The following EYS variants were observed in gnomAD, a reference collection of about 807,000 sequenced individuals.
EYS encodes protein eyes shut homolog.
In EYS, 250 loss-of-function variants were observed where a neutral mutation model predicts 282.1. The ratio of observed to expected loss-of-function variants is 0.89; its 90% CI spans 0.80 to 0.98. The LOEUF is 0.98. Ranked by LOEUF, EYS falls within the 50% of genes least tolerant of loss-of-function variation. The pLI is 0.00. For missense variants in EYS, 4,016 were observed against 3,709.0 expected (o/e 1.08, Z -2.15); for synonymous variants, 1,355 against 1,282.9 (o/e 1.06, Z -1.20).
chr6:64,417,600 A>T (rs1284468366), intron 28 of EYS, among the ~76,000 whole-genome samples: 1 of 151,768 alleles, frequency 6.6e-6, no homozygotes, highest in East Asian at 1.9e-4. Context: ...TTATTATTTC[A>T]GGAATAATAT....
At chr6:64,091,493 G>C (rs369965470) in intron 31 of EYS, among the ~76,000 whole-genome samples, 4 of 152,062 alleles carry the variant, frequency 2.6e-5, no homozygotes, top group African/African-American at 9.7e-5. Context: ...GTAATATTTT[G>C]CAAAATATGT....
intron 26 of EYS, among the ~76,000 whole-genome samples, chr6:64,461,781 T>C (rs571695014): frequency 1.3e-5 from 2 of 152,258 alleles, no homozygotes; most frequent in Admixed American, 6.5e-5. Flanking sequence ...GGAAACAATA[T>C]GATAATATGT....
intron 15 of EYS, among the ~76,000 whole-genome samples, chr6:64,936,105 G>C (rs559305580): frequency 6.6e-6 from 1 of 151,524 alleles, no homozygotes; most frequent in Non-Finnish European, 1.5e-5. Flanking sequence ...TGACCAATTG[G>C]GACATATATT....
chr6:64,388,213 A>T (rs1371057356), intron 29 of EYS, among the ~76,000 whole-genome samples: 1 of 152,132 alleles, frequency 6.6e-6, no homozygotes, highest in Non-Finnish European at 1.5e-5. Flanking sequence ...CTAAATGGAA[A>T]TTTAAAGAGT....
intron 12 of EYS, among the ~76,000 whole-genome samples, chr6:65,264,205 T>G (rs1767693405): frequency 6.6e-6 from 1 of 152,116 alleles, no homozygotes; most frequent in Admixed American, 6.6e-5. Flanking sequence ...TTAAAGTTAT[T>G]TACCAGCGAA....
chr6:64,536,671 AT>A (rs1243299181), intron 26 of EYS, among the ~76,000 whole-genome samples: 2 of 152,122 alleles, frequency 1.3e-5, no homozygotes, highest in Non-Finnish European at 2.9e-5. Flanking sequence ...GGAACCATTC[AT>A]ATAGTTATAA....
chr6:65,636,790 ATACTT>A (rs1767102700), intron 2 of EYS, among the ~76,000 whole-genome samples: 1 of 151,960 alleles, frequency 6.6e-6, no homozygotes, highest in African/African-American at 2.4e-5. Flanking sequence ...ATGACACTAT[ATACTT>A]TACTTTTATT....
chr6:65,238,257 AAT>A (rs943449979), intron 12 of EYS, among the ~76,000 whole-genome samples: 1 of 149,734 alleles, frequency 6.7e-6, no homozygotes, highest in Non-Finnish European at 1.5e-5. Flanking sequence ...TTAAAAATAT[AAT>A]ATATATATAA....
intron 8 of EYS, among the ~76,000 whole-genome samples, chr6:65,355,747 T>A (rs1764455445): frequency 6.6e-6 from 1 of 152,062 alleles, no homozygotes; most frequent in African/African-American, 2.4e-5. Context: ...TCACCAATCA[T>A]CAGAGACATG....
chr6:64,383,952 T>C (rs184589824), intron 29 of EYS, among the ~76,000 whole-genome samples: 3 of 152,328 alleles, frequency 2.0e-5, no homozygotes, highest in African/African-American at 7.2e-5. Flanking sequence ...ATAATGTCTC[T>C]AACTTGATAA....
intron 2 of EYS, among the ~76,000 whole-genome samples, chr6:65,545,164 A>G (rs1242574354): frequency 6.6e-6 from 1 of 152,020 alleles, no homozygotes; most frequent in Admixed American, 6.6e-5. Context: ...TCTAAACTAA[A>G]AAATTGCCTC....
chr6:63,911,002 A>T (rs1056222634), intron 35 of EYS, among the ~76,000 whole-genome samples: 4 of 152,180 alleles, frequency 2.6e-5, no homozygotes, highest in African/African-American at 9.7e-5. Flanking sequence ...TGGTTTCCCA[A>T]AACAATATGC....
chr6:64,057,750 T>C (rs546633166), intron 33 of EYS, among the ~76,000 whole-genome samples: 21 of 152,232 alleles, frequency 1.4e-4, no homozygotes, highest in African/African-American at 4.1e-4. Flanking sequence ...TTTATTCTTA[T>C]TTCACACTCA....
In EYS at chr6:64,936,423, A is replaced by G. The variant is rs142722667; in HGVS notation, c.2381+9370T>C. ...ATTTAGTCTGTCATTTCTAAGTTCA[A>G]CATTGTACTGGAAGTTGTTGGGATA... is the stretch of plus-strand genomic sequence containing the variant. On this transcript the variant is annotated intron_variant, in intron 15 of 42. Transcript: ENST00000503581. 9.9e-5 allele frequency among the ~76,000 whole-genome samples: 15 copies of G among 151,658 alleles called. 2 individuals are homozygous for G. The highest frequency in any genetic ancestry group is 3.4e-4 in the African/African-American group (14 of 41,526).
chr6:64,072,327 G>A (rs1018699708), intron 32 of EYS, among the ~76,000 whole-genome samples: 1 of 151,550 alleles, frequency 6.6e-6, no homozygotes, highest in African/African-American at 2.4e-5. Flanking sequence ...GCATGGCATA[G>A]GGCAATACAA....
intron 12 of EYS, among the ~76,000 whole-genome samples, chr6:65,214,194 CA>C (rs1396530362): frequency 8.4e-6 from 1 of 118,888 alleles, no homozygotes; most frequent in Non-Finnish European, 1.7e-5. Flanking sequence ...AAAAAGCAAG[CA>C]AGCTGATATA....
At chr6:64,418,629 T>G (rs1774133424) in intron 28 of EYS, among the ~76,000 whole-genome samples, 1 of 152,222 alleles carries the variant, frequency 6.6e-6, no homozygotes, top group Non-Finnish European at 1.5e-5. Flanking sequence ...ATTGATTTTC[T>G]GTTATCTCAT....
At chr6:64,470,452 G>A (rs1443536792) in intron 26 of EYS, among the ~76,000 whole-genome samples, 1 of 152,146 alleles carries the variant, frequency 6.6e-6, no homozygotes, top group Non-Finnish European at 1.5e-5. Flanking sequence ...AGAATTGAAT[G>A]ACTCATTGAA....
intron 1 of EYS, among the ~76,000 whole-genome samples, chr6:65,660,890 T>C (rs1017723162): frequency 6.6e-6 from 1 of 151,862 alleles, no homozygotes; most frequent in African/African-American, 2.4e-5. Flanking sequence ...ACTGCTTTTA[T>C]GTAATTGCTT....
Sources: allele counts gnomAD v4.1 joint callset (sites outside exome capture counted in the v4.1 genomes callset), GRCh38; gene constraint gnomAD v4.1.1; transcripts MANE v1.5; gene names NCBI Gene and HGNC (gene_info 2026-07-23, HGNC 2026-07-21).